Variants in SORCS1 observed in about 807,000 individuals in gnomAD.
The protein encoded by SORCS1 is sortilin related VPS10 domain containing receptor 1, also known as VPS10 domain-containing receptor SorCS1.
SORCS1 carries 60 observed loss-of-function variants against 146.1 expected under a neutral mutation model. The ratio of observed to expected loss-of-function variants is 0.41; its 90% CI spans 0.33 to 0.51. The LOEUF (loss-of-function observed/expected upper bound fraction) is 0.51, where lower values mean the gene tolerates loss of function less well. Ranked by LOEUF, SORCS1 falls within the 20% of genes least tolerant of loss-of-function variation. The pLI, the probability that SORCS1 is intolerant of heterozygous loss-of-function variation, is 0.21. For synonymous variants in SORCS1, 637 were observed against 584.0 expected (o/e 1.09, Z -1.31); for missense variants, 1,352 against 1,487.6 (o/e 0.91, Z 1.50).
chr10:107,149,745 AT>A (rs1968618523), intron 1 of SORCS1, among the ~76,000 whole-genome samples: 1 of 152,242 alleles, frequency 6.6e-6, no homozygotes, highest in South Asian at 2.1e-4. Flanking sequence ...GTGGAATCTA[AT>A]CTGATATTTT....
chr10:107,072,763 C>G (rs1227287415), intron 1 of SORCS1, among the ~76,000 whole-genome samples: 4 of 151,470 alleles, frequency 2.6e-5, no homozygotes, highest in African/African-American at 9.7e-5. Context: ...AAAAAAAGAA[C>G]CACCGAGATA....
At chr10:106,700,646 CT>C (rs1210854248) in intron 8 of SORCS1, among the ~76,000 whole-genome samples, 1 of 152,162 alleles carries the variant, frequency 6.6e-6, no homozygotes, top group East Asian at 1.9e-4. Context: ...ACCTAAATTT[CT>C]TATTGTCATA....
intron 1 of SORCS1, among the ~76,000 whole-genome samples, chr10:107,080,492 A>G (rs1049381080): frequency 2.0e-5 from 3 of 152,212 alleles, no homozygotes; most frequent in Non-Finnish European, 2.9e-5. Context: ...AACCACTCAC[A>G]AACTCTTCCC....
At chr10:106,918,620 G>A (rs1219803239) in intron 2 of SORCS1, among the ~76,000 whole-genome samples, 1 of 152,088 alleles carries the variant, frequency 6.6e-6, no homozygotes, top group Non-Finnish European at 1.5e-5. Context: ...GAAAGGGGGA[G>A]AAAGGGAGAG....
In SORCS1 at chr10:106,975,479, G is replaced by C. The variant is rs189180497; in HGVS notation, c.559-18899C>G. ...GCCAGCCAGAAATGCTTCACCCTTGGGAAGAAATGAATCAAGGAACAACTA... is the reference window on the plus strand; with the variant it reads ...GCCAGCCAGAAATGCTTCACCCTTGCGAAGAAATGAATCAAGGAACAACTA... On this transcript the variant is annotated intron_variant, in intron 1 of 25. Coordinates refer to ENST00000263054, the MANE Select transcript of SORCS1 (RefSeq NM_052918.5). 6.2e-3 allele frequency among the ~76,000 whole-genome samples: 950 copies of C among 152,300 alleles called. 4 individuals are homozygous for C. Among genetic ancestry groups the C allele is most frequent in the Non-Finnish European group, 9.4e-3 (641 of 68,028 alleles).
intron 1 of SORCS1, among the ~76,000 whole-genome samples, chr10:107,042,644 T>C (rs1243192374): frequency 6.6e-6 from 1 of 151,240 alleles, no homozygotes; most frequent in Admixed American, 6.6e-5. Flanking sequence ...AGTTTCACTC[T>C]TCTTGCCAAG....
intron 2 of SORCS1, among the ~76,000 whole-genome samples, chr10:106,853,831 C>A (rs1949682191): frequency 6.6e-6 from 1 of 151,900 alleles, no homozygotes; most frequent in African/African-American, 2.4e-5. Context: ...TGTATAATTT[C>A]TATTTGCTTC....
chr10:107,032,382 G>A (rs1958697528), intron 1 of SORCS1, among the ~76,000 whole-genome samples: 1 of 152,168 alleles, frequency 6.6e-6, no homozygotes, highest in African/African-American at 2.4e-5. Context: ...CATTGTCCAT[G>A]TTTTTCCTTG....
intron 3 of SORCS1, among the ~76,000 whole-genome samples, chr10:106,813,469 G>A (rs1187819110): frequency 1.3e-5 from 2 of 152,122 alleles, no homozygotes; most frequent in African/African-American, 2.4e-5. Flanking sequence ...CCCTCCAATG[G>A]AGAAAAGAAA....
intron 3 of SORCS1, among the ~76,000 whole-genome samples, chr10:106,824,784 G>C (rs952454364): frequency 6.6e-6 from 1 of 152,160 alleles, no homozygotes; most frequent in African/African-American, 2.4e-5. Context: ...TATGTACCAA[G>C]AGACCCGTAG....
At position 106,608,639 on chromosome 10, in the gene SORCS1, C is replaced by G. The variant is rs1387547090; in HGVS notation, c.3034-1342G>C. Reference sequence around the variant, plus strand: ...ATTTTAGGCAACCTCCAACAACAACCCTTTGAAGCAAATATGATTACACCT... The same window carrying G: ...ATTTTAGGCAACCTCCAACAACAACGCTTTGAAGCAAATATGATTACACCT... On this transcript the variant is annotated intron_variant, in intron 22 of 25. Transcript: ENST00000263054. Among the ~76,000 whole-genome samples, 4 of 152,116 alleles carry G rather than the reference C, an allele frequency of 2.6e-5. No homozygotes were observed. In the East Asian group the frequency reaches 5.8e-4, roughly 22 times the overall value.
At chr10:107,177,613 A>G in the SORCS1 span, among the ~76,000 whole-genome samples, 1 of 152,164 alleles carries the variant, frequency 6.6e-6, no homozygotes, top group Admixed American at 6.5e-5. Context: ...CTTTAAAAAG[A>G]TTTATTTATA....
chr10:106,837,447 A>G (rs928380365), intron 2 of SORCS1, among the ~76,000 whole-genome samples: 3 of 151,970 alleles, frequency 2.0e-5, no homozygotes, highest in Admixed American at 2.0e-4. Flanking sequence ...TTTATGAGCT[A>G]TGTTCCCACT....
Position 107,066,432 on chromosome 10 carries a change from G to A in SORCS1, c.558+97537C>T, listed in dbSNP as rs1287796420. ...GGGAATGTGTTATGCAAGCCGAAAG[G>A]AAATCTAGAAATATTACTTAGTATC... is the stretch of plus-strand genomic sequence containing the variant. On this transcript the variant is annotated intron_variant, in intron 1 of 25. Transcript: ENST00000263054. Among the ~76,000 whole-genome samples, 5 of 152,234 alleles carry A rather than the reference G, an allele frequency of 3.3e-5. No individual in the cohort carries two copies. The South Asian group carries it at 1.0e-3, about 32-fold the overall frequency.
intron 5 of SORCS1, among the ~76,000 whole-genome samples, chr10:106,756,622 T>C (rs2136218741): frequency 6.6e-6 from 1 of 152,332 alleles, no homozygotes; most frequent in Middle Eastern, 3.4e-3. Flanking sequence ...GTCCTATATA[T>C]GTAAGTCAGT....
intron 3 of SORCS1, among the ~76,000 whole-genome samples, chr10:106,806,732 G>T (rs981539085): frequency 2.6e-5 from 4 of 151,698 alleles, no homozygotes; most frequent in Non-Finnish European, 5.9e-5. Context: ...AGCCAGGATG[G>T]TCTCCACCTC....
chr10:106,697,343 C>T (rs1372968421), intron 9 of SORCS1, among the ~76,000 whole-genome samples: 1 of 151,854 alleles, frequency 6.6e-6, no homozygotes, highest in Non-Finnish European at 1.5e-5. Context: ...GGAGTCCCAG[C>T]TACTCGGGAG....
intron 1 of SORCS1, among the ~76,000 whole-genome samples, chr10:107,142,004 G>A (rs1967886800): frequency 6.6e-6 from 1 of 152,194 alleles, no homozygotes; most frequent in African/African-American, 2.4e-5. Context: ...ATTCTAAGGA[G>A]TGGGAAGATA....
rs189658651 is a variant in SORCS1 at position 107,123,894 on chromosome 10, G to A, written c.558+40075C>T. On this transcript the variant is annotated intron_variant, in intron 1 of 25. Transcript: ENST00000263054. ...AGATTGAGACCATCCTGGTTAACAC[G>A]GTGAAACCCCGTCTCTACTAAAAAT... is the stretch of plus-strand genomic sequence containing the variant. 1.7e-3 allele frequency among the ~76,000 whole-genome samples: 259 copies of A among 151,056 alleles called. 1 individual carries two copies. The highest frequency in any genetic ancestry group is 6.8e-3 in the Middle Eastern group (2 of 294).
Sources: gnomAD v4.1 joint callset for allele counts (sites outside exome capture counted in the v4.1 genomes callset) on GRCh38, gnomAD v4.1.1 for gene constraint, MANE v1.5 for transcripts, NCBI Gene and HGNC (gene_info 2026-07-23, HGNC 2026-07-21) for gene names.